ANGPTL6: variants seen among roughly 807,000 people sequenced by gnomAD.
The protein encoded by ANGPTL6 is angiopoietin like 6.
ANGPTL6 carries 45 observed loss-of-function variants against 47.4 expected under a neutral mutation model. The observed-to-expected ratio is 0.95, with a 90% CI of 0.75 to 1.22. The LOEUF (loss-of-function observed/expected upper bound fraction) is 1.22. ANGPTL6 is among the 50% of genes most tolerant of loss of function. The pLI, the probability that ANGPTL6 is intolerant of heterozygous loss-of-function variation, is 0.00. For synonymous variants in ANGPTL6, 290 were observed against 295.9 expected (o/e 0.98, Z 0.20); for missense variants, 698 against 669.4 (o/e 1.04, Z -0.47).
chr19:10,103,962 CCAT>C (rs1568477670), upstream of ANGPTL6, among the ~76,000 whole-genome samples: 4 of 150,478 alleles, frequency 2.7e-5, no homozygotes, highest in South Asian at 2.1e-4. Context: ...GTGTGGTGGC[CCAT>C]GCCTGTAATC....
intron 1 of ANGPTL6, among the ~76,000 whole-genome samples, chr19:10,098,017 A>G (rs915282430): frequency 6.7e-6 from 1 of 149,418 alleles, no homozygotes; most frequent in Admixed American, 6.6e-5. Context: ...AAAAAAAAAA[A>G]AAAAAAAGGA....
At chr19:10,096,754 G>T (rs2145175388) in intron 1 of ANGPTL6, among the ~76,000 whole-genome samples, 181 bp from the exon 2 acceptor site, 1 of 152,264 alleles carries the variant, frequency 6.6e-6, no homozygotes, top group East Asian at 1.9e-4. Context: ...CTTCAACACC[G>T]AGCTCTTGGC....
At chr19:10,105,962 C>G (rs1272532406), upstream of ANGPTL6, among the ~76,000 whole-genome samples, 1 of 152,242 alleles carries the variant, frequency 6.6e-6, no homozygotes, top group East Asian at 1.9e-4. Context: ...ATGATTGCCA[C>G]AGTCATTCCC....
chr19:10,099,837 CTCTCTCTT>C (rs201360400), intron 1 of ANGPTL6, among the ~76,000 whole-genome samples: 29,176 of 144,358 alleles, frequency 0.2, 3,273 homozygotes, highest in East Asian at 0.44. Flanking sequence ...CCCTCTCTCT[CTCTCTCTT>C]TCTCTCTTTC....
chr19:10,093,640 G>A lies in ANGPTL6; in HGVS notation c.952-21C>T, dbSNP rs200298684. On this transcript the variant is annotated intron_variant, in intron 4 of 5. Coordinates refer to ENST00000253109, the MANE Select transcript of ANGPTL6 (RefSeq NM_031917.3). ...CCCGCCTGGCAGGGCAGGAAAGTCA[G>A]GAAGCCAGAACAGGCTCCCTCCCCT... 9.9e-6 allele frequency: 16 copies of A among 1,613,222 alleles called. No homozygotes were observed. In the African/African-American group the frequency reaches 2.0e-4, roughly 20 times the overall value.
rs533019592 is a variant in ANGPTL6 at position 10,095,062 on chromosome 19, G to C, written c.583-124C>G. 299 of 1,036,618 alleles carry C rather than the reference G, an allele frequency of 2.9e-4. 3 individuals are homozygous for C. The African/African-American group carries it at 4.0e-3, about 14-fold the overall frequency. 64.2% of individuals were successfully genotyped at this position (1,036,618 alleles called of 1,614,324 possible). On this transcript the variant is annotated intron_variant, in intron 2 of 5. Coordinates refer to ENST00000253109, the MANE Select transcript of ANGPTL6 (RefSeq NM_031917.3). ...AATGACCTGGACATCTGGCAGTGGGGGTGTCCCAGCCCTAGGAATGATCCT... is the reference window on the plus strand; with the variant it reads ...AATGACCTGGACATCTGGCAGTGGGCGTGTCCCAGCCCTAGGAATGATCCT...
intron 1 of ANGPTL6, among the ~76,000 whole-genome samples, chr19:10,101,364 T>G (rs1402198374): frequency 1.3e-5 from 2 of 151,552 alleles, no homozygotes; most frequent in Non-Finnish European, 2.9e-5. Flanking sequence ...GCCAATATGG[T>G]GAAAGTCCAT....
At chr19:10,094,483 C>T (rs566743219) in intron 3 of ANGPTL6, 111 of 461,714 alleles carry the variant, frequency 2.4e-4, no homozygotes, top group Middle Eastern at 1.2e-3. Context: ...TTTATGGTCT[C>T]CTCACCATAA....
upstream of ANGPTL6, among the ~76,000 whole-genome samples, chr19:10,104,891 G>A (rs552011801): frequency 5.3e-5 from 8 of 152,224 alleles, no homozygotes; most frequent in Admixed American, 2.6e-4. Flanking sequence ...CCTATCCACC[G>A]CACCACAGAG....
chr19:10,096,621 C>G (rs1040797541), intron 1 of ANGPTL6, 48 bp from the exon 2 acceptor site: 3 of 1,353,344 alleles, frequency 2.2e-6, no homozygotes, highest in Non-Finnish European at 2.9e-6. Flanking sequence ...TGGGGCCCAG[C>G]GAGACCCCTC....
chr19:10,103,841 T>C (rs1454644441), upstream of ANGPTL6, among the ~76,000 whole-genome samples: 1 of 150,560 alleles, frequency 6.6e-6, no homozygotes, highest in African/African-American at 2.4e-5. Context: ...ACGCCTGTAA[T>C]CCCAGCACTT....
rs1252005950 is a variant in ANGPTL6 at position 10,096,534 on chromosome 19, C to T, written c.30G>A (p.Gln10=). Residue 10 remains glutamine (Q), a synonymous_variant, in exon 2 of 6, where the codon CAG becomes CAA. Transcript: ENST00000253109. The stretch of plus-strand genomic sequence containing the variant: ...ACGACGCGCCCAGCAGGAGCAGCAG[C>T]TGTAGCGCACGCAGCCAGGGCTTCC... MGKPWLRAL[Q]LLLLLGASWA... is the part of the protein sequence containing the mutation. 1 of 1,515,570 alleles carries T rather than the reference C, an allele frequency of 6.6e-7. No homozygotes were observed. Among genetic ancestry groups the T allele is most frequent in the Non-Finnish European group, 8.8e-7 (1 of 1,138,496 alleles). 93.9% of individuals were successfully genotyped at this position (1,515,570 alleles called of 1,614,324 possible).
Position 10,096,012 on chromosome 19 carries a change from C to G in ANGPTL6, c.552G>C (p.Leu184=). Residue 184 remains leucine, a synonymous_variant, in exon 2 of 6, where the codon CTG becomes CTC. Transcript: ENST00000253109. ...QSSLIARLER[L]CPGGAGGQQQ... ...GCTGCCCGCCCGCGCCTCCCGGGCA[C>G]AGGCGCTCCAGGCGGGCGATGAGAC... 7.3e-7 allele frequency: 1 copy of G among 1,364,180 alleles called. No homozygotes were observed. The highest frequency in any genetic ancestry group is 9.5e-7 in the Non-Finnish European group (1 of 1,053,380). 84.5% of individuals were successfully genotyped at this position (1,364,180 alleles called of 1,614,324 possible).
At chr19:10,095,023 T>C in intron 2 of ANGPTL6, 85 bp from the exon 3 acceptor site, 4 of 1,344,048 alleles carry the variant, frequency 3.0e-6, no homozygotes, top group Non-Finnish European at 4.0e-6. Flanking sequence ...GGTGGATAAA[T>C]CTCCCAGCTC....
upstream of ANGPTL6, among the ~76,000 whole-genome samples, chr19:10,104,049 T>C (rs2088753613): frequency 8.1e-6 from 1 of 124,206 alleles, no homozygotes; most frequent in South Asian, 2.5e-4. Flanking sequence ...GCCACTGCAC[T>C]CCAGCCTGGG....
upstream of ANGPTL6, among the ~76,000 whole-genome samples, chr19:10,103,244 A>G (rs2088725397): frequency 6.6e-6 from 1 of 151,668 alleles, no homozygotes; most frequent in Non-Finnish European, 1.5e-5. Context: ...ATGGGCACAT[A>G]ACAGAGTGGA....
At chr19:10,094,163 T>C (rs1423815189) in intron 3 of ANGPTL6, among the ~76,000 whole-genome samples, 1 of 152,026 alleles carries the variant, frequency 6.6e-6, no homozygotes, top group African/African-American at 2.4e-5. Flanking sequence ...CTTTTTTTTT[T>C]TGAGATGGAG....
intron 2 of ANGPTL6, 98 bp downstream of exon 2, chr19:10,095,884 G>C (rs1475631325): frequency 2.4e-5 from 18 of 758,510 alleles, no homozygotes; most frequent in Admixed American, 1.3e-4. Context: ...CCGGTTTTCA[G>C]GGTTTTGCGG....
chr19:10,095,094 A>C (rs551400247), intron 2 of ANGPTL6, among the ~76,000 whole-genome samples, 156 bp from the exon 3 acceptor site: 1 of 152,304 alleles, frequency 6.6e-6, no homozygotes, highest in East Asian at 1.9e-4. Context: ...TCCTCCCCAA[A>C]AGCTAAACAA....
Sources: gnomAD v4.1 joint callset for allele counts (sites outside exome capture counted in the v4.1 genomes callset) on GRCh38, gnomAD v4.1.1 for gene constraint, MANE v1.5 for transcripts, NCBI Gene and HGNC (gene_info 2026-07-23, HGNC 2026-07-21) for gene names.